Variants in NREP observed in about 807,000 individuals in gnomAD.
NREP encodes neuronal regeneration related protein, also known as neuronal regeneration-related protein.
In NREP, 5 loss-of-function variants were observed where a neutral mutation model predicts 8.6. The ratio of observed to expected loss-of-function variants is 0.58; its 90% CI spans 0.30 to 1.22. The LOEUF is 1.22. Ranked by LOEUF, NREP falls within the 50% of genes most tolerant of loss-of-function variation. NREP has a pLI of 0.07. For missense variants in NREP, 86 were observed against 82.5 expected (o/e 1.04, Z -0.17); for synonymous variants, 27 against 28.0 (o/e 0.96, Z 0.11).
chr5:111,818,365 G>A (rs890312484), intron 2 of NREP, among the ~76,000 whole-genome samples: 3 of 152,152 alleles, frequency 2.0e-5, no homozygotes, highest in African/African-American at 7.2e-5. Flanking sequence ...TCAGAAAAAT[G>A]GCAGTGACGT....
intron 2 of NREP, among the ~76,000 whole-genome samples, chr5:111,858,423 A>G (rs916760048): frequency 2.6e-5 from 4 of 152,096 alleles, no homozygotes; most frequent in African/African-American, 9.7e-5. Flanking sequence ...GTCTCATCCT[A>G]TATGTCTTGG....
intron 2 of NREP, among the ~76,000 whole-genome samples, chr5:111,788,294 A>T (rs1450324806): frequency 6.6e-6 from 1 of 152,208 alleles, no homozygotes; most frequent in African/African-American, 2.4e-5. Context: ...CATTTCTGGT[A>T]TAGGAAATCT....
intron 2 of NREP, among the ~76,000 whole-genome samples, chr5:111,816,665 G>C (rs1390158225): frequency 7.0e-6 from 1 of 143,378 alleles, no homozygotes; most frequent in Non-Finnish European, 1.5e-5. Flanking sequence ...CAATCAACAA[G>C]AAAAGGAAAT....
rs74872500 is a variant in NREP, at chr5:111,768,378, A to G, written c.136-32871T>C. ...TGCTTTTATTATAATTTCAACTTTT[A>G]TTTAGATTCAGGGGGTACATATGCA... On this transcript the variant is annotated intron_variant, in intron 2 of 3. Transcript: ENST00000395634. Among the ~76,000 whole-genome samples the G allele has an allele frequency of 6.0e-4, 92 of 152,176 alleles. 1 individual carries two copies. The East Asian group carries it at 0.015, about 24-fold the overall frequency.
At chr5:111,832,612 G>C (rs1581150710) in intron 2 of NREP, among the ~76,000 whole-genome samples, 1 of 152,114 alleles carries the variant, frequency 6.6e-6, no homozygotes, top group Non-Finnish European at 1.5e-5. Flanking sequence ...TATAACCATT[G>C]CAAGCACTTT....
chr5:111,737,725 AAAAACAAAAAC>A (rs1561634233), intron 2 of NREP, among the ~76,000 whole-genome samples: 1 of 147,494 alleles, frequency 6.8e-6, no homozygotes, highest in African/African-American at 2.6e-5. Context: ...TAAAAAAAAA[AAAAACAAAAAC>A]AAAAACAAAA....
At chr5:111,971,800 A>G (rs1430043921) in intron 2 of NREP, among the ~76,000 whole-genome samples, 1 of 152,200 alleles carries the variant, frequency 6.6e-6, no homozygotes, top group Non-Finnish European at 1.5e-5. Context: ...AAGCACACTA[A>G]GAAACAAAAA....
chr5:111,913,656 G>T (rs1754975128), intron 2 of NREP, among the ~76,000 whole-genome samples: 1 of 152,134 alleles, frequency 6.6e-6, no homozygotes, highest in East Asian at 1.9e-4. Context: ...GGATGATAGT[G>T]AGGAATGGGT....
At chr5:111,737,337 A>T (rs964574512) in intron 2 of NREP, among the ~76,000 whole-genome samples, 3 of 152,218 alleles carry the variant, frequency 2.0e-5, no homozygotes, top group African/African-American at 7.2e-5. Flanking sequence ...TCTACTGTTA[A>T]ATTCACTTCA....
At chr5:111,811,949 C>T (rs958377238) in intron 2 of NREP, among the ~76,000 whole-genome samples, 16 of 152,050 alleles carry the variant, frequency 1.1e-4, no homozygotes, top group South Asian at 2.1e-4. Context: ...AAATTGGATT[C>T]GACTTGTTTC....
At chr5:111,913,999 T>G (rs1754984099) in intron 2 of NREP, among the ~76,000 whole-genome samples, 1 of 152,106 alleles carries the variant, frequency 6.6e-6, no homozygotes, top group Non-Finnish European at 1.5e-5. Context: ...GCAAAATTAT[T>G]TGGTGGCTGC....
intron 2 of NREP, among the ~76,000 whole-genome samples, chr5:111,803,267 G>A (rs972649663): frequency 2.0e-5 from 3 of 152,118 alleles, no homozygotes; most frequent in African/African-American, 7.2e-5. Flanking sequence ...ACCCTTCAAA[G>A]GAGAAGCTTT....
chr5:111,910,633 A>C (rs1428715461), intron 2 of NREP, among the ~76,000 whole-genome samples: 1 of 152,028 alleles, frequency 6.6e-6, no homozygotes, highest in East Asian at 1.9e-4. Flanking sequence ...AGGCATGAAG[A>C]TTTGGGCACT....
At chr5:111,861,398 G>A (rs1241584578) in intron 2 of NREP, among the ~76,000 whole-genome samples, 1 of 152,184 alleles carries the variant, frequency 6.6e-6, no homozygotes, top group Non-Finnish European at 1.5e-5. Context: ...AAGGCAAAGA[G>A]AAGCTGATGC....
At chr5:111,826,978 T>C (rs955973959) in intron 2 of NREP, among the ~76,000 whole-genome samples, 4 of 152,260 alleles carry the variant, frequency 2.6e-5, no homozygotes, top group African/African-American at 7.2e-5. Context: ...TTACAAATAA[T>C]ATTTTCTTAT....
intron 2 of NREP, among the ~76,000 whole-genome samples, chr5:111,847,088 AT>A (rs952517330): frequency 2.8e-4 from 42 of 151,894 alleles, no homozygotes; most frequent in African/African-American, 9.9e-4. Context: ...ACTGACACAT[AT>A]TTTAAAATGA....
intron 2 of NREP, among the ~76,000 whole-genome samples, chr5:111,847,070 A>G (rs1025999214): frequency 1.3e-5 from 2 of 152,140 alleles, no homozygotes; most frequent in African/African-American, 4.8e-5. Flanking sequence ...CTTCAGTTCC[A>G]TGAGGCTACT....
At chr5:111,919,875 GAAAGAAAGAAAGAAAGAA>G (rs1755178931) in intron 2 of NREP, among the ~76,000 whole-genome samples, 1 of 132,694 alleles carries the variant, frequency 7.5e-6, no homozygotes, top group African/African-American at 2.8e-5. Flanking sequence ...GAGAGAGAAA[GAAAGAAAGAAAGAAAGAA>G]AGAAAGAAAG....
intron 2 of NREP, among the ~76,000 whole-genome samples, chr5:111,907,855 C>A (rs1754815929): frequency 6.6e-6 from 1 of 151,946 alleles, no homozygotes; most frequent in Non-Finnish European, 1.5e-5. Context: ...CCATGGAATT[C>A]TTTGCTTACT....
Sources: gnomAD v4.1 joint callset for allele counts (sites outside exome capture counted in the v4.1 genomes callset) on GRCh38, gnomAD v4.1.1 for gene constraint, MANE v1.5 for transcripts, NCBI Gene and HGNC (gene_info 2026-07-23, HGNC 2026-07-21) for gene names.